GALNT18: variants seen among roughly 807,000 people sequenced by gnomAD.
The protein encoded by GALNT18 is polypeptide N-acetylgalactosaminyltransferase 18, also known as GalNAc-transferase 18.
GALNT18 carries 44 observed loss-of-function variants against 69.5 expected under a neutral mutation model. The observed-to-expected ratio is 0.63, with a 90% confidence interval of 0.50 to 0.81. The LOEUF (loss-of-function observed/expected upper bound fraction) is 0.81, where lower values mean the gene tolerates loss of function less well. GALNT18 is among the 40% of genes least tolerant of loss of function. The probability of loss-of-function intolerance (pLI) is 0.00; values close to 1 mark genes in which losing one functional copy is unlikely to be tolerated. For synonymous variants in GALNT18, 364 were observed against 318.2 expected (o/e 1.14, Z -1.53); for missense variants, 715 against 810.0 (o/e 0.88, Z 1.42).
chr11:11,530,061 T>C (rs1176636071), intron 1 of GALNT18, among the ~76,000 whole-genome samples: 4 of 152,026 alleles, frequency 2.6e-5, no homozygotes, highest in African/African-American at 9.7e-5. Context: ...AAGGCCTTAA[T>C]TGCACCCCAG....
intron 5 of GALNT18, among the ~76,000 whole-genome samples, chr11:11,376,308 G>C (rs1435789156): frequency 1.3e-5 from 2 of 152,222 alleles, no homozygotes; most frequent in Middle Eastern, 3.4e-3. Flanking sequence ...CTTGAACCCA[G>C]GGGCCAGAGG....
At chr11:11,297,665 T>G (rs1171010920) in intron 9 of GALNT18, among the ~76,000 whole-genome samples, 1 of 152,170 alleles carries the variant, frequency 6.6e-6, no homozygotes, top group Admixed American at 6.5e-5. Context: ...TACAAAGTTC[T>G]GAGACAGCAG....
intron 1 of GALNT18, among the ~76,000 whole-genome samples, chr11:11,530,196 C>T (rs1299282591): frequency 7.0e-6 from 1 of 143,484 alleles, no homozygotes; most frequent in Non-Finnish European, 1.6e-5. Flanking sequence ...AAATTCCAGC[C>T]CTAAAGCAAC....
At chr11:11,296,406 T>A (rs1358204926) in intron 9 of GALNT18, among the ~76,000 whole-genome samples, 1 of 152,170 alleles carries the variant, frequency 6.6e-6, no homozygotes, top group Non-Finnish European at 1.5e-5. Context: ...TTTATACCCC[T>A]GGGTTGAATG....
chr11:11,592,587 A>T lies in GALNT18; in HGVS notation c.235+28772T>A, dbSNP rs138378977. 6.6e-6 allele frequency among the ~76,000 whole-genome samples: 1 copy of T among 152,252 alleles called. No homozygotes were observed. Among genetic ancestry groups the T allele is most frequent in the East Asian group, 1.9e-4 (1 of 5,178 alleles). On this transcript the variant is annotated intron_variant, in intron 1 of 10. Transcript: ENST00000227756. This position sits in a 1 kb window ranked among gnomAD's most constrained non-coding sequence, Gnocchi z 5.9. ...AAGCTCAAAACAACTTTCAGTTACGAAAAAGGGTATAAACCGCCATTCCTT... is the reference window on the plus strand; with the variant it reads ...AAGCTCAAAACAACTTTCAGTTACGTAAAAGGGTATAAACCGCCATTCCTT...
Position 11,614,044 on chromosome 11 carries a change from C to T in GALNT18, c.235+7315G>A, listed in dbSNP as rs1274630831. Among the ~76,000 whole-genome samples the T allele has an allele frequency of 1.3e-5, 2 of 152,162 alleles. No individual in the cohort carries two copies. Among genetic ancestry groups the T allele is most frequent in the Non-Finnish European group, 2.9e-5 (2 of 68,026 alleles). ...GTCTGTCCCCATCTCCCAGATAGAA[C>T]CCAGCTAACAAAAAGCCAAGCTTGG... is the stretch of plus-strand genomic sequence containing the variant. On this transcript the variant is annotated intron_variant, in intron 1 of 10. Transcript: ENST00000227756. This position sits in a 1 kb window ranked among gnomAD's most constrained non-coding sequence, Gnocchi z 5.6.
At chr11:11,610,446 G>A (rs980626090) in intron 1 of GALNT18, among the ~76,000 whole-genome samples, 71 of 152,296 alleles carry the variant, frequency 4.7e-4, no homozygotes, top group Admixed American at 1.4e-3. Flanking sequence ...AAAGTATTTA[G>A]CACATCACAG....
At chr11:11,520,175 G>C (rs1857364221) in intron 1 of GALNT18, among the ~76,000 whole-genome samples, 1 of 152,262 alleles carries the variant, frequency 6.6e-6, no homozygotes, top group Admixed American at 6.5e-5. Context: ...TGCAGGCACT[G>C]TTCTGAAGGC....
rs1258320269 is a variant in GALNT18, at chr11:11,600,314, T to C, written c.235+21045A>G. ...ACAATCTGTAGTATTTCTTGTAAGA[T>C]GGACCTGATAACAACAAATTCTGTT... On this transcript the variant is annotated intron_variant, in intron 1 of 10. Coordinates refer to ENST00000227756, the MANE Select transcript of GALNT18 (RefSeq NM_198516.3). The surrounding 1 kb of genome is among the most constrained non-coding windows in gnomAD (Gnocchi z 4.8). Among the ~76,000 whole-genome samples the C allele has an allele frequency of 6.6e-6, 1 of 152,116 alleles. No individual in the cohort carries two copies. Among genetic ancestry groups the C allele is most frequent in the Non-Finnish European group, 1.5e-5 (1 of 67,952 alleles).
At chr11:11,561,498 T>A (rs922228933) in intron 1 of GALNT18, among the ~76,000 whole-genome samples, 1 of 152,226 alleles carries the variant, frequency 6.6e-6, no homozygotes, top group African/African-American at 2.4e-5. Context: ...GGTATAATAA[T>A]GCCTGCTTCA....
At chr11:11,398,326 G>A (rs1854381854) in intron 3 of GALNT18, among the ~76,000 whole-genome samples, 1 of 152,194 alleles carries the variant, frequency 6.6e-6, no homozygotes, top group Non-Finnish European at 1.5e-5. Flanking sequence ...AGCTCACTGG[G>A]TAGCTGGTGA....
chr11:11,293,533 CTTTTTTTT>C (rs34166465), intron 9 of GALNT18, among the ~76,000 whole-genome samples: 21 of 80,188 alleles, frequency 2.6e-4, no homozygotes, highest in African/African-American at 7.5e-4. Context: ...ACAAACCCCT[CTTTTTTTT>C]TTTTTTTTTT....
chr11:11,319,733 A>T (rs1849812689), intron 9 of GALNT18, among the ~76,000 whole-genome samples: 1 of 152,226 alleles, frequency 6.6e-6, no homozygotes, highest in African/African-American at 2.4e-5. Context: ...ATGATTGGGA[A>T]GAGTTTCCTC....
chr11:11,313,564 C>T (rs1335206005), intron 9 of GALNT18, among the ~76,000 whole-genome samples: 2 of 152,170 alleles, frequency 1.3e-5, no homozygotes, highest in Non-Finnish European at 2.9e-5. Context: ...TTACACCACC[C>T]TGTGATGGCT....
rs1857830355 is a variant in GALNT18, at chr11:11,538,323, G to C, written c.235+83036C>G. Among the ~76,000 whole-genome samples the C allele has an allele frequency of 6.6e-6, 1 of 152,228 alleles. No individual in the cohort carries two copies. The highest frequency in any genetic ancestry group is 2.4e-5 in the African/African-American group (1 of 41,454). ...CTGGGAAGGCCACTCACTAAGGCCA[G>C]GGTGTCCTTTACTTGGCAGGGAGCA... is the stretch of plus-strand genomic sequence containing the variant. On this transcript the variant is annotated intron_variant, in intron 1 of 10. Coordinates refer to ENST00000227756, the MANE Select transcript of GALNT18 (RefSeq NM_198516.3). The surrounding 1 kb of genome is among the most constrained non-coding windows in gnomAD (Gnocchi z 5.2).
chr11:11,442,713 C>T (rs953787644), intron 2 of GALNT18, among the ~76,000 whole-genome samples: 9 of 152,318 alleles, frequency 5.9e-5, no homozygotes, highest in Admixed American at 5.9e-4. Flanking sequence ...GTGTGTGGAT[C>T]TGTCCCAATT....
Position 11,605,230 on chromosome 11 carries a change from G to A in GALNT18, c.235+16129C>T, listed in dbSNP as rs1278547468. On this transcript the variant is annotated intron_variant, in intron 1 of 10. Transcript: ENST00000227756. The surrounding 1 kb of genome is among the most constrained non-coding windows in gnomAD (Gnocchi z 4.7). ...AAACTCAGACCCACACTCATGGGTG[G>A]GTGATTCCCCAGGTGGCCAGCAGAT... Among the ~76,000 whole-genome samples, 1 of 152,152 alleles carries A rather than the reference G, an allele frequency of 6.6e-6. No individual in the cohort carries two copies. The highest frequency in any genetic ancestry group is 1.5e-5 in the Non-Finnish European group (1 of 68,036).
At chr11:11,489,241 G>A (rs190110036) in intron 1 of GALNT18, among the ~76,000 whole-genome samples, 15 of 152,328 alleles carry the variant, frequency 9.8e-5, no homozygotes, top group Non-Finnish European at 2.1e-4. Context: ...GAAATGAGCA[G>A]GCACTCACAC....
At chr11:11,492,272 A>G (rs1423730926) in intron 1 of GALNT18, among the ~76,000 whole-genome samples, 1 of 152,184 alleles carries the variant, frequency 6.6e-6, no homozygotes, top group Non-Finnish European at 1.5e-5. Context: ...AGGAGACACC[A>G]GGTGCTGCCC....
Sources: gnomAD v4.1 joint callset for allele counts (sites outside exome capture counted in the v4.1 genomes callset) on GRCh38, gnomAD v4.1.1 for gene constraint, Gnocchi (gnomAD v3.1) non-coding constraint, MANE v1.5 for transcripts, NCBI Gene and HGNC (gene_info 2026-07-23, HGNC 2026-07-21) for gene names.